CNBD1: variants seen among roughly 807,000 people sequenced by gnomAD.
CNBD1 encodes cyclic nucleotide-binding domain-containing protein 1.
CNBD1 carries 71 observed loss-of-function variants against 54.4 expected under a neutral mutation model. The observed-to-expected ratio is 1.30, with a 90% confidence interval of 1.08 to 1.59. The LOEUF (loss-of-function observed/expected upper bound fraction) is 1.59, where lower values mean the gene tolerates loss of function less well. Among genes scored for constraint, CNBD1 ranks in the 40% most tolerant of loss-of-function variants. The probability of loss-of-function intolerance (pLI) is 0.00; values close to 1 mark genes in which losing one functional copy is unlikely to be tolerated. For synonymous variants in CNBD1, 182 were observed against 170.7 expected (o/e 1.07, Z -0.51); for missense variants, 659 against 518.0 (o/e 1.27, Z -2.64).
At chr8:87,003,606 T>C (rs969616584) in intron 4 of CNBD1, among the ~76,000 whole-genome samples, 1 of 152,280 alleles carries the variant, frequency 6.6e-6, no homozygotes, top group Admixed American at 6.5e-5. Flanking sequence ...AAAAGATAAA[T>C]CCCTTTATTT....
At chr8:87,415,714 AT>A (rs1807823570) in intron 2 of CNBD1, among the ~76,000 whole-genome samples, 1 of 151,948 alleles carries the variant, frequency 6.6e-6, no homozygotes, top group Non-Finnish European at 1.5e-5. Flanking sequence ...AACTTCAAGA[AT>A]TGAGAATTGT....
chr8:87,082,183 C>G (rs1178059862), intron 4 of CNBD1, among the ~76,000 whole-genome samples: 1 of 152,046 alleles, frequency 6.6e-6, no homozygotes, highest in Non-Finnish European at 1.5e-5. Flanking sequence ...ATTAATCAAT[C>G]GACCTTGTGA....
intron 4 of CNBD1, among the ~76,000 whole-genome samples, chr8:87,017,170 C>T (rs207469507): frequency 6.6e-6 from 1 of 152,088 alleles, no homozygotes; most frequent in East Asian, 1.9e-4. Context: ...GGAACCAGAG[C>T]ACAAAAACAT....
downstream of CNBD1, among the ~76,000 whole-genome samples, chr8:87,387,713 C>A (rs572662447): frequency 1.1e-4 from 16 of 152,258 alleles, no homozygotes; most frequent in African/African-American, 3.6e-4. Context: ...AGAAAGTTAA[C>A]AAGGATATCC....
chr8:87,241,634 G>A (rs943982067), intron 6 of CNBD1, among the ~76,000 whole-genome samples: 3 of 152,006 alleles, frequency 2.0e-5, no homozygotes, highest in African/African-American at 7.3e-5. Flanking sequence ...TACTAACGCA[G>A]GAAAAATAAT....
intron 2 of CNBD1, among the ~76,000 whole-genome samples, chr8:87,424,393 G>A (rs1315954727): frequency 1.3e-5 from 2 of 152,066 alleles, no homozygotes; most frequent in Non-Finnish European, 2.9e-5. Context: ...GATCTTTCCT[G>A]CTTTCTCTTG....
intron 8 of CNBD1, among the ~76,000 whole-genome samples, chr8:87,342,466 A>G (rs1291672366): frequency 6.6e-6 from 1 of 152,166 alleles, no homozygotes; most frequent in African/African-American, 2.4e-5. Context: ...ATTTTAGAAA[A>G]TGTAATTATG....
intron 6 of CNBD1, among the ~76,000 whole-genome samples, chr8:87,262,808 G>A (rs947448294): frequency 2.0e-5 from 3 of 152,110 alleles, no homozygotes; most frequent in African/African-American, 7.2e-5. Flanking sequence ...TTGTATTCTG[G>A]TATCTTCCTT....
At chr8:86,894,852 G>T (rs1298784267) in intron 2 of CNBD1, among the ~76,000 whole-genome samples, 1 of 152,104 alleles carries the variant, frequency 6.6e-6, no homozygotes, top group Non-Finnish European at 1.5e-5. Flanking sequence ...AAGAATATCA[G>T]AGATTAGATA....
chr8:87,393,587 C>G lies in CNBD1; in HGVS notation c.214-34959C>G, dbSNP rs377504361. On this transcript the variant is annotated intron_variant, in intron 2 of 7. Transcript: ENST00000521593. Reference sequence around the variant, plus strand: ...ATTATGGTTTGGACACAATAATAGTCTGGCTTGTGAAAATAAAAAGTAAGT... The same window carrying G: ...ATTATGGTTTGGACACAATAATAGTGTGGCTTGTGAAAATAAAAAGTAAGT... Among the ~76,000 whole-genome samples the G allele has an allele frequency of 6.6e-5, 10 of 151,878 alleles. 1 individual carries two copies. The East Asian group carries it at 9.7e-4, about 15-fold the overall frequency.
At chr8:87,120,077 T>C (rs1318699278) in intron 4 of CNBD1, among the ~76,000 whole-genome samples, 1 of 152,132 alleles carries the variant, frequency 6.6e-6, no homozygotes, top group Non-Finnish European at 1.5e-5. Context: ...GGTATCAGGA[T>C]AATGCTGGCC....
chr8:87,226,415 C>A (rs1166410546), intron 5 of CNBD1, among the ~76,000 whole-genome samples: 4 of 149,744 alleles, frequency 2.7e-5, no homozygotes, highest in Admixed American at 6.6e-5. Flanking sequence ...GCTTTGAATG[C>A]GTCCCAGAGA....
intron 1 of CNBD1, among the ~76,000 whole-genome samples, chr8:86,881,409 C>A (rs1351256879): frequency 6.6e-6 from 1 of 152,000 alleles, no homozygotes; most frequent in Non-Finnish European, 1.5e-5. Context: ...GAGTGAATTC[C>A]CATTAACAAT....
chr8:87,179,495 C>T (rs1169588337), intron 4 of CNBD1, among the ~76,000 whole-genome samples: 1 of 152,110 alleles, frequency 6.6e-6, no homozygotes, highest in Non-Finnish European at 1.5e-5. Context: ...GTTAAATGCC[C>T]TCTAAAATAA....
intron 4 of CNBD1, among the ~76,000 whole-genome samples, chr8:86,943,691 T>C (rs1807393214): frequency 6.6e-6 from 1 of 152,036 alleles, no homozygotes; most frequent in Non-Finnish European, 1.5e-5. Context: ...GAGGCCCCTT[T>C]TTAAAATTTT....
chr8:86,938,260 G>T (rs919689698), intron 3 of CNBD1, among the ~76,000 whole-genome samples: 17 of 152,214 alleles, frequency 1.1e-4, no homozygotes, highest in African/African-American at 3.9e-4. Flanking sequence ...TCAGCATTTT[G>T]CTCAAAGCCA....
At chr8:87,009,301 T>C (rs370976529) in intron 4 of CNBD1, among the ~76,000 whole-genome samples, 1 of 151,988 alleles carries the variant, frequency 6.6e-6, no homozygotes, top group East Asian at 1.9e-4. Context: ...TTTTATTTTA[T>C]TTTATTTTTA....
At chr8:87,363,680 C>T (rs11985085) in intron 10 of CNBD1, among the ~76,000 whole-genome samples, 59,362 of 151,692 alleles carry the variant, frequency 0.39, 11,859 homozygotes, top group Middle Eastern at 0.46. Flanking sequence ...TCATACTTTT[C>T]GCCCACTTTT....
At chr8:87,131,586 T>C (rs1365033369) in intron 4 of CNBD1, among the ~76,000 whole-genome samples, 1 of 152,070 alleles carries the variant, frequency 6.6e-6, no homozygotes, top group East Asian at 1.9e-4. Flanking sequence ...TGTAGTTGTA[T>C]CTCATTATTT....
Sources: allele counts gnomAD v4.1 joint callset (sites outside exome capture counted in the v4.1 genomes callset), GRCh38; gene constraint gnomAD v4.1.1; transcripts MANE v1.5; gene names NCBI Gene and HGNC (gene_info 2026-07-23, HGNC 2026-07-21).